The following C8orf89 variants were observed in gnomAD, a reference collection of about 807,000 sequenced individuals.
The protein encoded by C8orf89 is putative uncharacterized protein C8orf89.
Under a neutral mutation model 15.8 loss-of-function variants are expected in C8orf89, and 14 were observed. The observed-to-expected ratio is 0.89, with a 90% CI of 0.59 to 1.39. The LOEUF (loss-of-function observed/expected upper bound fraction) is 1.39. C8orf89 is among the 40% of genes most tolerant of loss of function. C8orf89 has a pLI of 0.00. For missense variants in C8orf89, 181 were observed against 184.5 expected, an observed-to-expected ratio of 0.98 and a Z score of 0.11; for synonymous variants, 55 against 62.2, an observed-to-expected ratio of 0.88 and a Z score of 0.54.
At chr8:73,262,516 A>T (rs541723021), upstream of C8orf89, among the ~76,000 whole-genome samples, 19 of 152,188 alleles carry the variant, frequency 1.2e-4, no homozygotes, top group East Asian at 5.8e-4. Flanking sequence ...ATAAAAAAAA[A>T]TTTTTTTAAG....
chr8:73,266,770 G>A, the C8orf89 span, among the ~76,000 whole-genome samples: 5 of 151,774 alleles, frequency 3.3e-5, no homozygotes, highest in East Asian at 1.9e-4. Context: ...AACTGCAGGC[G>A]CCCAGAAACA....
At chr8:73,248,425 T>C (rs1813174131) in intron 3 of C8orf89, among the ~76,000 whole-genome samples, 1 of 136,154 alleles carries the variant, frequency 7.3e-6, no homozygotes. Context: ...CTATTTTGGC[T>C]CTTTTTTGGT....
intron 1 of C8orf89, among the ~76,000 whole-genome samples, chr8:73,258,009 G>A (rs1013344681): frequency 6.6e-6 from 1 of 152,268 alleles, no homozygotes; most frequent in Middle Eastern, 3.4e-3. Context: ...ATAAACTGCT[G>A]TCTGAGTACC....
the C8orf89 span, among the ~76,000 whole-genome samples, chr8:73,268,139 T>G: frequency 2.0e-5 from 3 of 152,158 alleles, no homozygotes; most frequent in African/African-American, 7.2e-5. Context: ...AATCAGTCAA[T>G]CATCCGTATA....
chr8:73,244,982 G>A (rs1813092268), intron 3 of C8orf89, among the ~76,000 whole-genome samples: 1 of 152,180 alleles, frequency 6.6e-6, no homozygotes, highest in African/African-American at 2.4e-5. Flanking sequence ...AAGAAAAAGA[G>A]GTTTAATGGA....
intron 2 of C8orf89, among the ~76,000 whole-genome samples, chr8:73,255,720 CAAT>C (rs1223894931): frequency 3.3e-5 from 5 of 150,442 alleles, no homozygotes; most frequent in African/African-American, 1.2e-4. Flanking sequence ...AAATGTCCAA[CAAT>C]GATAGACTGG....
chr8:73,273,544 T>C, the C8orf89 span, among the ~76,000 whole-genome samples: 1 of 152,148 alleles, frequency 6.6e-6, no homozygotes, highest in Non-Finnish European at 1.5e-5. Context: ...GCAGCTCAGT[T>C]TGGCCCTGCA....
the C8orf89 span, among the ~76,000 whole-genome samples, chr8:73,280,542 T>G: frequency 2.0e-5 from 3 of 152,010 alleles, no homozygotes; most frequent in African/African-American, 7.3e-5. Flanking sequence ...AGCTAAATTT[T>G]TTTGCATTTT....
At chr8:73,266,162 A>G in the C8orf89 span, among the ~76,000 whole-genome samples, 1 of 152,230 alleles carries the variant, frequency 6.6e-6, no homozygotes, top group Non-Finnish European at 1.5e-5. Context: ...ATTCATCTGG[A>G]GAACAGAAAA....
chr8:73,275,231 C>CT, the C8orf89 span, among the ~76,000 whole-genome samples: 1,677 of 84,740 alleles, frequency 0.02, 55 homozygotes, highest in African/African-American at 0.029. Context: ...TGTAATAGTT[C>CT]TTTTTTTTTT....
intron 3 of C8orf89, among the ~76,000 whole-genome samples, chr8:73,247,650 T>C (rs920871217): frequency 7.9e-5 from 12 of 152,240 alleles, no homozygotes; most frequent in Non-Finnish European, 1.6e-4. Flanking sequence ...TCATGTGAGA[T>C]GGTATCTCAT....
chr8:73,276,957 C>A, the C8orf89 span, among the ~76,000 whole-genome samples: 4 of 151,910 alleles, frequency 2.6e-5, no homozygotes, highest in Admixed American at 2.6e-4. Flanking sequence ...CAGGTGCACG[C>A]CACCATGCCC....
At chr8:73,277,519 C>G in the C8orf89 span, 12 of 772,796 alleles carry the variant, frequency 1.6e-5, no homozygotes, top group Non-Finnish European at 1.9e-5. Context: ...GAGGATGAAG[C>G]CTTCTCCTTC....
chr8:73,266,753 T>A, the C8orf89 span, among the ~76,000 whole-genome samples: 1 of 151,988 alleles, frequency 6.6e-6, no homozygotes, highest in Non-Finnish European at 1.5e-5. Flanking sequence ...CCTAGCACTG[T>A]CCACTGAACT....
chr8:73,257,128 TG>T lies in C8orf89; in HGVS notation c.128-3del. On this transcript the variant is annotated splice_region_variant and splice_polypyrimidine_tract_variant and intron_variant, in intron 1 of 3. Transcript: ENST00000624510. ...CTAGACCAAATGCTGTGGTATATTCTGGTTAAAAATATATAAGAATCATCTT... is the reference window on the plus strand; with the variant it reads ...CTAGACCAAATGCTGTGGTATATTCTGTTAAAAATATATAAGAATCATCTT... The T allele has an allele frequency of 6.6e-7, 1 of 1,515,212 alleles. No homozygotes were observed. Among genetic ancestry groups the T allele is most frequent in the South Asian group, 1.2e-5 (1 of 80,766 alleles). 93.9% of individuals were successfully genotyped at this position (1,515,212 alleles called of 1,614,324 possible).
At chr8:73,250,814 T>G (rs757430222) in intron 2 of C8orf89, among the ~76,000 whole-genome samples, 1 of 151,840 alleles carries the variant, frequency 6.6e-6, no homozygotes, top group Non-Finnish European at 1.5e-5. Context: ...GTAACAATAT[T>G]TTTTTTTGAG....
the C8orf89 span, among the ~76,000 whole-genome samples, chr8:73,271,119 A>C: frequency 6.6e-6 from 1 of 152,116 alleles, no homozygotes; most frequent in Non-Finnish European, 1.5e-5. Flanking sequence ...TTTCATGTCA[A>C]CCTGTCTATG....
upstream of C8orf89, among the ~76,000 whole-genome samples, chr8:73,261,071 C>G (rs1294377417): frequency 6.6e-6 from 1 of 152,176 alleles, no homozygotes; most frequent in Non-Finnish European, 1.5e-5. Context: ...GTCAGGGGCT[C>G]TCGGTACTGT....
At chr8:73,268,006 T>A in the C8orf89 span, among the ~76,000 whole-genome samples, 29 of 152,244 alleles carry the variant, frequency 1.9e-4, no homozygotes, top group Middle Eastern at 6.8e-3. Context: ...TAACTCCTGA[T>A]TTAGAGGAAT....
Sources: gnomAD v4.1 joint callset for allele counts (sites outside exome capture counted in the v4.1 genomes callset) on GRCh38, gnomAD v4.1.1 for gene constraint, MANE v1.5 for transcripts, NCBI Gene and HGNC (gene_info 2026-07-23, HGNC 2026-07-21) for gene names.